Variants in ASAP1 observed in about 807,000 individuals in gnomAD.
The protein encoded by ASAP1 is ArfGAP with SH3 domain, ankyrin repeat and PH domain 1.
In ASAP1, 43 loss-of-function variants were observed where a neutral mutation model predicts 145.2. The ratio of observed to expected loss-of-function variants is 0.30; its 90% CI spans 0.23 to 0.38. ASAP1 has a LOEUF of 0.38. ASAP1 is among the 10% of genes least tolerant of loss of function. ASAP1 has a pLI of 1.00. For synonymous variants in ASAP1, 546 were observed against 515.5 expected (o/e 1.06, Z -0.80); for missense variants, 1,018 against 1,355.3 (o/e 0.75, Z 3.91).
chr8:130,177,052 T>C (rs11777289), intron 9 of ASAP1, among the ~76,000 whole-genome samples: 5,322 of 152,298 alleles, frequency 0.035, 129 homozygotes, highest in Middle Eastern at 0.065. Context: ...TGATTAATAA[T>C]GGATCTGACT....
intron 15 of ASAP1, among the ~76,000 whole-genome samples, chr8:130,128,736 A>G (rs2097578957): frequency 6.6e-6 from 1 of 152,208 alleles, no homozygotes; most frequent in African/African-American, 2.4e-5. Context: ...CTTTGCTACT[A>G]AAATAACCTA....
intron 3 of ASAP1, 149 bp downstream of exon 3, chr8:130,357,867 GT>G (rs1826429410): frequency 9.1e-7 from 1 of 1,100,126 alleles, no homozygotes; most frequent in Admixed American, 2.5e-5. Context: ...GGCGCCGCCC[GT>G]CCGAAGTCCC....
At chr8:130,348,044 T>C (rs1302002302) in intron 3 of ASAP1, among the ~76,000 whole-genome samples, 1 of 152,180 alleles carries the variant, frequency 6.6e-6, no homozygotes, top group Non-Finnish European at 1.5e-5. Flanking sequence ...CTCTGAGGCC[T>C]TTTCCAGTTC....
chr8:130,202,245 A>G (rs1216359554), intron 5 of ASAP1, among the ~76,000 whole-genome samples: 1 of 152,202 alleles, frequency 6.6e-6, no homozygotes, highest in African/African-American at 2.4e-5. Context: ...GAATCTTCTT[A>G]GATATTACAT....
chr8:130,393,427 CTT>C (rs1828378039), intron 2 of ASAP1, among the ~76,000 whole-genome samples: 1 of 152,158 alleles, frequency 6.6e-6, no homozygotes, highest in South Asian at 2.1e-4. Flanking sequence ...GCCTGGTACT[CTT>C]TTAAACATTT....
chr8:130,240,624 G>A (rs1302667412), intron 3 of ASAP1, among the ~76,000 whole-genome samples: 2 of 152,130 alleles, frequency 1.3e-5, no homozygotes, highest in Non-Finnish European at 2.9e-5. Flanking sequence ...GCATTTCTAA[G>A]TATGTATCCG....
intron 24 of ASAP1, among the ~76,000 whole-genome samples, chr8:130,107,180 C>T (rs115808592): frequency 3.5e-5 from 4 of 113,872 alleles, no homozygotes; most frequent in South Asian, 6.6e-4. Flanking sequence ...CTCTCTTCTT[C>T]TTCTTTTTTT....
At chr8:130,072,190 C>T (rs539985003) in intron 27 of ASAP1, among the ~76,000 whole-genome samples, 50 of 152,324 alleles carry the variant, frequency 3.3e-4, no homozygotes, top group African/African-American at 1.2e-3. Context: ...CATGTGGAGG[C>T]TCCTGGAGTT....
At chr8:130,330,062 T>C (rs984981864) in intron 3 of ASAP1, among the ~76,000 whole-genome samples, 4 of 152,178 alleles carry the variant, frequency 2.6e-5, no homozygotes, top group African/African-American at 9.7e-5. Context: ...GACATTTTCA[T>C]TACAGCTGGA....
rs146935777 is a variant in ASAP1, at chr8:130,204,133, G to A, written c.405+10423C>T. Among the ~76,000 whole-genome samples, 14 of 152,234 alleles carry A rather than the reference G, an allele frequency of 9.2e-5. No individual in the cohort carries two copies. The East Asian group carries it at 1.9e-3, about 21-fold the overall frequency. Reference sequence around the variant, plus strand: ...GGGCTATTGAGCGAAGCTGAGTTCCGCCTCCTGTTAGATCAAGGGCAGCAT... The same window carrying A: ...GGGCTATTGAGCGAAGCTGAGTTCCACCTCCTGTTAGATCAAGGGCAGCAT... On this transcript the variant is annotated intron_variant, in intron 5 of 29. Transcript: ENST00000518721.
intron 27 of ASAP1, among the ~76,000 whole-genome samples, chr8:130,063,106 A>T (rs1272348400): frequency 2.6e-5 from 4 of 152,234 alleles, no homozygotes; most frequent in African/African-American, 9.6e-5. Flanking sequence ...CAGAGAAAAA[A>T]AAGATGAAAG....
At chr8:130,320,886 C>T (rs774016503) in intron 3 of ASAP1, among the ~76,000 whole-genome samples, 1 of 152,210 alleles carries the variant, frequency 6.6e-6, no homozygotes, top group Non-Finnish European at 1.5e-5. Flanking sequence ...AAGAGTGCAA[C>T]ATGCCCAGTC....
At chr8:130,355,051 AATTT>A (rs1826223981) in intron 3 of ASAP1, among the ~76,000 whole-genome samples, 2 of 151,920 alleles carry the variant, frequency 1.3e-5, no homozygotes, top group South Asian at 4.2e-4. Context: ...ATGCCTGGCT[AATTT>A]TTTAGTAGAG....
At chr8:130,218,848 C>CAT (rs58256601) in intron 4 of ASAP1, among the ~76,000 whole-genome samples, 54,795 of 148,982 alleles carry the variant, frequency 0.37, 10,269 homozygotes, top group East Asian at 0.55. Flanking sequence ...AGTCTCTTTC[C>CAT]ATATATATAT....
At chr8:130,216,032 GA>G in intron 4 of ASAP1, among the ~76,000 whole-genome samples, 1 of 132,320 alleles carries the variant, frequency 7.6e-6, no homozygotes, top group Non-Finnish European at 1.6e-5. Flanking sequence ...GAAAGGAAAG[GA>G]AAAAGGAAAG....
At chr8:130,071,011 G>GAGA (rs1415476694) in intron 27 of ASAP1, among the ~76,000 whole-genome samples, 727 of 11,436 alleles carry the variant, frequency 0.064, 135 homozygotes, top group Middle Eastern at 0.25. Flanking sequence ...GGGGAGGGGG[G>GAGA]GAGAGAGAGA....
At chr8:130,213,639 G>A (rs572554308) in intron 5 of ASAP1, among the ~76,000 whole-genome samples, 3 of 152,316 alleles carry the variant, frequency 2.0e-5, no homozygotes, top group East Asian at 1.9e-4. Flanking sequence ...CTTCTCCAGG[G>A]CAGGGCTAAC....
Position 130,184,591 on chromosome 8 carries a change from G to A in ASAP1, c.530+2645C>T, listed in dbSNP as rs1814591720. Among the ~76,000 whole-genome samples the A allele has an allele frequency of 3.9e-5, 6 of 152,212 alleles. 1 individual carries two copies. In the South Asian group the frequency reaches 1.2e-3, roughly 31 times the overall value. On this transcript the variant is annotated intron_variant, in intron 7 of 29. Coordinates refer to ENST00000518721, the MANE Select transcript of ASAP1 (RefSeq NM_018482.4). The stretch of plus-strand genomic sequence containing the variant: ...AGATAAGTGAGAAGTGCTACAAAGG[G>A]TACCTGGTCCATCCTAGAATGCTCT...
chr8:130,373,838 T>C (rs1474910789), intron 2 of ASAP1, among the ~76,000 whole-genome samples: 1 of 112,908 alleles, frequency 8.9e-6, no homozygotes, highest in Non-Finnish European at 1.7e-5. Flanking sequence ...CAGAGTGAGA[T>C]GGAGTCTCCA....
Sources: gnomAD v4.1 joint callset for allele counts (sites outside exome capture counted in the v4.1 genomes callset) on GRCh38, gnomAD v4.1.1 for gene constraint, MANE v1.5 for transcripts, NCBI Gene and HGNC (gene_info 2026-07-23, HGNC 2026-07-21) for gene names.